The following ST8SIA2 variants were observed in gnomAD, a reference collection of about 807,000 sequenced individuals.
The protein encoded by ST8SIA2 is ST8 alpha-N-acetyl-neuraminide alpha-2,8-sialyltransferase 2.
Under a neutral mutation model 37.6 loss-of-function variants are expected in ST8SIA2, and 22 were observed. That is an observed-to-expected ratio of 0.58 (90% CI 0.42 to 0.83). The LOEUF is 0.83. Ranked by LOEUF, ST8SIA2 falls within the 40% of genes least tolerant of loss-of-function variation. The probability of loss-of-function intolerance (pLI) is 0.00; values close to 1 mark genes in which losing one functional copy is unlikely to be tolerated. For missense variants in ST8SIA2, 382 were observed against 484.7 expected (o/e 0.79, Z 1.99); for synonymous variants, 205 against 201.2 (o/e 1.02, Z -0.16).
rs758174056 is a variant in ST8SIA2, at chr15:92,444,810, T to G, written c.723T>G (p.Pro241=). 2.5e-6 allele frequency: 4 copies of G among 1,614,144 alleles called. No individual in the cohort carries two copies. In the Admixed American group the frequency reaches 5.0e-5, roughly 20 times the overall value. ...HSLNGSILWI[P]AFMARGGKER... Reference sequence around the variant, plus strand: ...TCAATGGCAGCATCCTGTGGATCCCTGCCTTCATGGCCCGGGGCGGCAAGG... The same window carrying G: ...TCAATGGCAGCATCCTGTGGATCCCGGCCTTCATGGCCCGGGGCGGCAAGG... The change falls in exon 5 of 6, where the codon CCT becomes CCG. Residue 241 remains proline, a synonymous_variant. Coordinates refer to ENST00000268164, the MANE Select transcript of ST8SIA2 (RefSeq NM_006011.4).
intron 5 of ST8SIA2, among the ~76,000 whole-genome samples, chr15:92,450,100 T>C (rs1383806053): frequency 6.6e-6 from 1 of 152,186 alleles, no homozygotes; most frequent in Non-Finnish European, 1.5e-5. Flanking sequence ...AAAAAATAGA[T>C]AAATTGGACT....
intron 5 of ST8SIA2, among the ~76,000 whole-genome samples, chr15:92,448,207 G>A (rs1389954271): frequency 6.6e-6 from 1 of 152,240 alleles, no homozygotes; most frequent in Non-Finnish European, 1.5e-5. Flanking sequence ...TACTGCAGGA[G>A]ATTAGCCTCT....
At chr15:92,399,241 C>T (rs928797354) in intron 1 of ST8SIA2, among the ~76,000 whole-genome samples, 1 of 152,176 alleles carries the variant, frequency 6.6e-6, no homozygotes, top group Non-Finnish European at 1.5e-5. Context: ...TCTAGGTGTC[C>T]GGAGCAGGGG....
At chr15:92,406,662 T>C (rs529144175) in intron 1 of ST8SIA2, among the ~76,000 whole-genome samples, 1 of 151,960 alleles carries the variant, frequency 6.6e-6, no homozygotes, top group South Asian at 2.1e-4. Flanking sequence ...CATCACAGAG[T>C]CAGCCTAGAG....
At chr15:92,396,532 C>T (rs1297170102) in intron 1 of ST8SIA2, among the ~76,000 whole-genome samples, 3 of 149,568 alleles carry the variant, frequency 2.0e-5, no homozygotes, top group South Asian at 2.1e-4. Flanking sequence ...CTCATTCTGT[C>T]GCCCAGGATG....
At chr15:92,460,358 G>A (rs1053119434) in intron 5 of ST8SIA2, among the ~76,000 whole-genome samples, 12 of 152,204 alleles carry the variant, frequency 7.9e-5, no homozygotes, top group East Asian at 1.9e-4. Context: ...AGTATGTGGC[G>A]TAGGTTGAGA....
Position 92,433,241 on chromosome 15 carries a change from G to A in ST8SIA2, c.162-1006G>A, listed in dbSNP as rs924425680. Among the ~76,000 whole-genome samples the A allele has an allele frequency of 3.9e-5, 6 of 152,328 alleles. No homozygotes were observed. In the East Asian group the frequency reaches 1.2e-3, roughly 29 times the overall value. The stretch of plus-strand genomic sequence containing the variant: ...CAAGATAAATGGAGAGGACACAGAT[G>A]TTTGGTTTGAACTCTTTAAAGCTTC... On this transcript the variant is annotated intron_variant, in intron 2 of 5. Coordinates refer to ENST00000268164, the MANE Select transcript of ST8SIA2 (RefSeq NM_006011.4).
At chr15:92,427,259 GCAAAAAA>G (rs2049683293) in intron 1 of ST8SIA2, among the ~76,000 whole-genome samples, 1 of 51,084 alleles carries the variant, frequency 2.0e-5, no homozygotes. Flanking sequence ...TGGGCACTTG[GCAAAAAA>G]AAAAAAAAAA....
rs776033227 is a variant in ST8SIA2, at chr15:92,434,379, C to G, written c.290+4C>G. On this transcript the variant is annotated splice_donor_region_variant and intron_variant, in intron 3 of 5. Coordinates refer to ENST00000268164, the MANE Select transcript of ST8SIA2 (RefSeq NM_006011.4). ...AGACGCTCTCTCTGAGGATCAGGTA[C>G]TGGTAATTACCTACAGGACAAGAGG... The G allele has an allele frequency of 1.2e-6, 2 of 1,614,222 alleles. No individual in the cohort carries two copies. The highest frequency in any genetic ancestry group is 4.5e-5 in the East Asian group (2 of 44,888).
intron 5 of ST8SIA2, among the ~76,000 whole-genome samples, chr15:92,463,623 G>A (rs1482257592): frequency 6.6e-6 from 1 of 152,246 alleles, no homozygotes; most frequent in Non-Finnish European, 1.5e-5. Flanking sequence ...ACACCCATGT[G>A]TGTTGTCTGT....
chr15:92,408,774 C>A (rs1394547697), intron 1 of ST8SIA2, among the ~76,000 whole-genome samples: 2 of 151,724 alleles, frequency 1.3e-5, no homozygotes, highest in African/African-American at 4.8e-5. Context: ...GGCGTGATCT[C>A]AGCTCACTGC....
intron 1 of ST8SIA2, among the ~76,000 whole-genome samples, chr15:92,398,133 C>CA: frequency 6.6e-6 from 1 of 151,354 alleles, no homozygotes; most frequent in African/African-American, 2.4e-5. Flanking sequence ...GACTCCATCT[C>CA]AAAAAAAGAA....
At chr15:92,463,389 GC>G (rs1248749608) in intron 5 of ST8SIA2, among the ~76,000 whole-genome samples, 4 of 152,210 alleles carry the variant, frequency 2.6e-5, no homozygotes, top group African/African-American at 9.6e-5. Context: ...AGTGTCCAGG[GC>G]CCCCAGGGTA....
chr15:92,400,907 G>A (rs996440850), intron 1 of ST8SIA2, among the ~76,000 whole-genome samples: 3 of 152,214 alleles, frequency 2.0e-5, no homozygotes, highest in Non-Finnish European at 2.9e-5. Flanking sequence ...TGTTAGAGAC[G>A]TTGACAGTAA....
At chr15:92,396,277 A>G (rs1373205612) in intron 1 of ST8SIA2, among the ~76,000 whole-genome samples, 1 of 152,142 alleles carries the variant, frequency 6.6e-6, no homozygotes, top group African/African-American at 2.4e-5. Context: ...AACACTGCAT[A>G]TGCCTTTCGA....
At chr15:92,449,290 G>A (rs565225165) in intron 5 of ST8SIA2, among the ~76,000 whole-genome samples, 2 of 152,238 alleles carry the variant, frequency 1.3e-5, no homozygotes, top group East Asian at 1.9e-4. Context: ...TTAGGATTAC[G>A]GCCTCTAGTT....
chr15:92,452,981 C>A (rs796706262), intron 5 of ST8SIA2, among the ~76,000 whole-genome samples: 1 of 152,106 alleles, frequency 6.6e-6, no homozygotes, highest in South Asian at 2.1e-4. Context: ...TCTCATTCAA[C>A]ACATCTGAGT....
intron 1 of ST8SIA2, among the ~76,000 whole-genome samples, chr15:92,417,256 A>C (rs1251174741): frequency 6.6e-6 from 1 of 152,166 alleles, no homozygotes; most frequent in Non-Finnish European, 1.5e-5. Flanking sequence ...TCTGACACCA[A>C]GGCTTCCTGA....
rs768609130 is a variant in ST8SIA2, at chr15:92,444,620, C to G, written c.549-16C>G. On this transcript the variant is annotated splice_polypyrimidine_tract_variant and intron_variant, in intron 4 of 5. Transcript: ENST00000268164. ...CAGCTTTCCCAAAAGGATCATGTTGCCTTTTTCTCCGGCAGGTGCAACCTG... is the reference window on the plus strand; with the variant it reads ...CAGCTTTCCCAAAAGGATCATGTTGGCTTTTTCTCCGGCAGGTGCAACCTG... 4.3e-6 allele frequency: 7 copies of G among 1,614,090 alleles called. No individual in the cohort carries two copies. In the Admixed American group the frequency reaches 1.2e-4, roughly 27 times the overall value.
Sources: gnomAD v4.1 joint callset for allele counts (sites outside exome capture counted in the v4.1 genomes callset) on GRCh38, gnomAD v4.1.1 for gene constraint, MANE v1.5 for transcripts, NCBI Gene and HGNC (gene_info 2026-07-23, HGNC 2026-07-21) for gene names.